The following THSD4 variants were observed in gnomAD, a reference collection of about 807,000 sequenced individuals.
THSD4 encodes the protein thrombospondin type-1 domain-containing protein 4.
In THSD4, 69 loss-of-function variants were observed where a neutral mutation model predicts 119.0. The ratio of observed to expected loss-of-function variants is 0.58; its 90% CI spans 0.48 to 0.71. The LOEUF (loss-of-function observed/expected upper bound fraction) is 0.71, where lower values mean the gene tolerates loss of function less well. Among genes scored for constraint, THSD4 ranks in the 30% least tolerant of loss-of-function variants. THSD4 has a pLI of 0.00. For missense variants in THSD4, 1,393 were observed against 1,391.1 expected, an observed-to-expected ratio of 1.00 and a Z score of -0.02; for synonymous variants, 524 against 540.4, an observed-to-expected ratio of 0.97 and a Z score of 0.42.
intron 7 of THSD4, among the ~76,000 whole-genome samples, chr15:71,592,813 G>A (rs28407165): frequency 0.063 from 9,525 of 152,016 alleles, 840 homozygotes; most frequent in East Asian, 0.43. Flanking sequence ...GAGAGGAGGG[G>A]TGAGGAGTAA....
At chr15:71,414,850 A>G (rs1360483006) in intron 7 of THSD4, among the ~76,000 whole-genome samples, 3 of 152,230 alleles carry the variant, frequency 2.0e-5, no homozygotes, top group South Asian at 2.1e-4. Context: ...GGACTACTGG[A>G]TACTACTTTG....
rs182901165 is a variant in THSD4 at position 71,763,029 on chromosome 15, C to T, written c.2590-1991C>T. ...GAGGTTGCAGTGAGCCGAGATTGCA[C>T]CACTGCACTCTAGCCTGGGCAACAG... On this transcript the variant is annotated intron_variant, in intron 15 of 17. Coordinates refer to ENST00000261862, the MANE Select transcript of THSD4 (RefSeq NM_024817.3). 2.2e-4 allele frequency among the ~76,000 whole-genome samples: 34 copies of T among 152,168 alleles called. No individual in the cohort carries two copies. In the East Asian group the frequency reaches 4.8e-3, roughly 22 times the overall value.
At chr15:71,550,518 G>T (rs1324461753) in intron 7 of THSD4, among the ~76,000 whole-genome samples, 2 of 152,158 alleles carry the variant, frequency 1.3e-5, no homozygotes, top group Non-Finnish European at 2.9e-5. Flanking sequence ...CTCACTGCAA[G>T]CTCCGCCTCC....
At chr15:71,626,026 A>AT (rs1421246668) in intron 7 of THSD4, among the ~76,000 whole-genome samples, 1 of 152,124 alleles carries the variant, frequency 6.6e-6, no homozygotes, top group African/African-American at 2.4e-5. Context: ...CTTTTAGAGG[A>AT]TTTTTATACA....
intron 7 of THSD4, among the ~76,000 whole-genome samples, chr15:71,641,717 G>A (rs2050861550): frequency 6.6e-6 from 1 of 151,968 alleles, no homozygotes; most frequent in African/African-American, 2.4e-5. Flanking sequence ...GGGAGAAAAG[G>A]GCAAATACTT....
intron 7 of THSD4, among the ~76,000 whole-genome samples, chr15:71,522,394 TCC>T (rs2048455361): frequency 2.6e-5 from 4 of 152,154 alleles, no homozygotes; most frequent in African/African-American, 7.2e-5. Context: ...GCCTCCCCAG[TCC>T]AGGGCATGCA....
chr15:71,742,557 A>G (rs963722986), intron 11 of THSD4, among the ~76,000 whole-genome samples: 1 of 152,176 alleles, frequency 6.6e-6, no homozygotes, highest in Non-Finnish European at 1.5e-5. Context: ...CATATAAGGC[A>G]ACCGAACTGA....
At chr15:71,423,054 G>A (rs2046828294) in intron 7 of THSD4, among the ~76,000 whole-genome samples, 1 of 152,160 alleles carries the variant, frequency 6.6e-6, no homozygotes, top group Admixed American at 6.5e-5. Context: ...TGTGGTGAAT[G>A]CTGCCAGACC....
chr15:71,274,237 G>A (rs999104767), intron 6 of THSD4, among the ~76,000 whole-genome samples: 3 of 152,218 alleles, frequency 2.0e-5, no homozygotes, highest in African/African-American at 7.2e-5. Flanking sequence ...TGTCAGGGTA[G>A]CCACCTGGCT....
At chr15:71,412,929 C>CTG (rs879939451) in intron 7 of THSD4, among the ~76,000 whole-genome samples, 2 of 152,080 alleles carry the variant, frequency 1.3e-5, no homozygotes, top group Non-Finnish European at 2.9e-5. Context: ...ATCTGGGTAA[C>CTG]TGGGGTATCC....
chr15:71,152,517 G>C (rs2040733126), intron 2 of THSD4, among the ~76,000 whole-genome samples: 1 of 152,102 alleles, frequency 6.6e-6, no homozygotes. Context: ...TCTCCTCTAA[G>C]CTGGGCCTGT....
chr15:71,329,991 G>A (rs1030760424), intron 6 of THSD4, among the ~76,000 whole-genome samples: 9 of 151,946 alleles, frequency 5.9e-5, no homozygotes, highest in African/African-American at 2.2e-4. Context: ...GAAGTGGGAG[G>A]ATTGCTTGAG....
chr15:71,538,953 A>G (rs771491784), intron 7 of THSD4, among the ~76,000 whole-genome samples: 64 of 152,324 alleles, frequency 4.2e-4, no homozygotes, highest in African/African-American at 1.5e-3. Context: ...GCCAAGTAAC[A>G]TAACCCTCCT....
chr15:71,430,716 C>G lies in THSD4; in HGVS notation c.1152+18893C>G, dbSNP rs569912153. 1.1e-4 allele frequency among the ~76,000 whole-genome samples: 15 copies of G among 136,918 alleles called. No individual in the cohort carries two copies. In the South Asian group the frequency reaches 3.2e-3, roughly 29 times the overall value. The allele number at this position is 136,918 out of a possible 152,430, so 89.8% of individuals were successfully genotyped here. Reference sequence around the variant, plus strand: ...AGGTTGCAGTGAGCCGAGATCGCATCTCTGCACTCCAGCCTGGATGGCAGA... The same window carrying G: ...AGGTTGCAGTGAGCCGAGATCGCATGTCTGCACTCCAGCCTGGATGGCAGA... On this transcript the variant is annotated intron_variant, in intron 7 of 17. Transcript: ENST00000261862.
At chr15:71,152,709 G>A (rs984017307) in intron 2 of THSD4, among the ~76,000 whole-genome samples, 5 of 152,136 alleles carry the variant, frequency 3.3e-5, no homozygotes, top group Admixed American at 2.0e-4. Flanking sequence ...TGGTGCTGCT[G>A]TCCTTGGTTG....
At chr15:71,309,777 A>G (rs980639750) in intron 6 of THSD4, among the ~76,000 whole-genome samples, 5 of 152,304 alleles carry the variant, frequency 3.3e-5, no homozygotes, top group Admixed American at 3.3e-4. Flanking sequence ...ACTCTTGTTG[A>G]CCGTATATGT....
At chr15:71,545,568 C>A (rs940415640) in intron 7 of THSD4, among the ~76,000 whole-genome samples, 1 of 152,168 alleles carries the variant, frequency 6.6e-6, no homozygotes, top group Non-Finnish European at 1.5e-5. Context: ...CAACCCCTGG[C>A]TAGACAACAC....
At chr15:71,768,110 A>G (rs1467937452) in intron 16 of THSD4, among the ~76,000 whole-genome samples, 2 of 152,186 alleles carry the variant, frequency 1.3e-5, no homozygotes, top group Non-Finnish European at 1.5e-5. Context: ...TTCTTAAACG[A>G]CATACCACTG....
At chr15:71,203,232 T>C (rs2043817564) in intron 3 of THSD4, among the ~76,000 whole-genome samples, 1 of 152,094 alleles carries the variant, frequency 6.6e-6, no homozygotes, top group South Asian at 2.1e-4. Context: ...AAAGGAAGGC[T>C]GAGGCCAGAT....
Sources: gnomAD v4.1 joint callset for allele counts (sites outside exome capture counted in the v4.1 genomes callset) on GRCh38, gnomAD v4.1.1 for gene constraint, MANE v1.5 for transcripts, NCBI Gene and HGNC (gene_info 2026-07-23, HGNC 2026-07-21) for gene names.